The following GFRA2 variants were observed in gnomAD, a reference collection of about 807,000 sequenced individuals.
GFRA2 encodes the protein GDNF family receptor alpha-2.
A neutral mutation model predicts 48.3 loss-of-function variants in GFRA2; 17 were observed. That is an observed-to-expected ratio of 0.35 (90% CI 0.24 to 0.53). The LOEUF is 0.53. Among genes scored for constraint, GFRA2 ranks in the 20% least tolerant of loss-of-function variants. The pLI is 0.93. For missense variants in GFRA2, 660 were observed against 637.3 expected (o/e 1.04, Z -0.38); for synonymous variants, 305 against 257.2 (o/e 1.19, Z -1.78).
intron 4 of GFRA2, among the ~76,000 whole-genome samples, chr8:21,749,819 G>A (rs73669544): frequency 0.068 from 10,239 of 151,592 alleles, 438 homozygotes; most frequent in Non-Finnish European, 0.088. Context: ...CCTTGAGCAA[G>A]TTTACAAAAT....
chr8:21,764,703 C>T lies in GFRA2; in HGVS notation c.439+10269G>A, dbSNP rs371356191. Among the ~76,000 whole-genome samples, 93 of 152,338 alleles carry T rather than the reference C, an allele frequency of 6.1e-4. 1 individual carries two copies. Among genetic ancestry groups the T allele is most frequent in the African/African-American group, 2.1e-3 (88 of 41,576 alleles). ...ATTGAAGACATCACTCCTGAAATCGCCCCTTCCTGCTTACATCCTTCAATT... is the reference window on the plus strand; with the variant it reads ...ATTGAAGACATCACTCCTGAAATCGTCCCTTCCTGCTTACATCCTTCAATT... On this transcript the variant is annotated intron_variant, in intron 3 of 8. Coordinates refer to ENST00000524240, the MANE Select transcript of GFRA2 (RefSeq NM_001495.5).
intron 1 of GFRA2, among the ~76,000 whole-genome samples, chr8:21,783,706 T>C (rs1428015060): frequency 6.6e-6 from 1 of 151,826 alleles, no homozygotes; most frequent in Non-Finnish European, 1.5e-5. Flanking sequence ...GAGAGACAAG[T>C]TCCGCCCCGG....
chr8:21,694,075 T>TATATATATATATATATA lies in GFRA2; in HGVS notation c.1272+388_1272+389insTATATATATATATATAT, dbSNP rs1563209422. On this transcript the variant is annotated intron_variant, in intron 8 of 8. Coordinates refer to ENST00000524240, the MANE Select transcript of GFRA2 (RefSeq NM_001495.5). ...TATATTTATATATATATTTATTTAT[T>TATATATATATATATATA]TTTATATATATATATATTTCCTATA... Among the ~76,000 whole-genome samples, 257 of 49,058 alleles carry TATATATATATATATATA rather than the reference T, an allele frequency of 5.2e-3. 4 individuals are homozygous for TATATATATATATATATA. Among genetic ancestry groups the TATATATATATATATATA allele is most frequent in the African/African-American group, 0.026 (235 of 8,986 alleles). 32.2% of individuals were successfully genotyped at this position (49,058 alleles called of 152,430 possible). A position where few individuals can be genotyped will look rare whatever the true frequency, so the allele number is the denominator to read the frequency against.
At chr8:21,811,358 G>C (rs1807977623) in intron 1 of GFRA2, among the ~76,000 whole-genome samples, 1 of 152,158 alleles carries the variant, frequency 6.6e-6, no homozygotes, top group African/African-American at 2.4e-5. Context: ...TCCCAAGCAG[G>C]AGATCCTAAC....
rs1806625727 is a variant in GFRA2, at chr8:21,775,009, G to T, written c.402C>A (p.Arg134=). 2 of 1,606,542 alleles carry T rather than the reference G, an allele frequency of 1.2e-6. No individual in the cohort carries two copies. Among genetic ancestry groups the T allele is most frequent in the Non-Finnish European group, 1.7e-6 (2 of 1,173,462 alleles). The part of the protein sequence containing the change: ...EASPYEPVTS[R]LSDIFRLASI... Reference sequence around the variant, plus strand: ...AAGCAAGCCTGAAGATGTCCGAGAGGCGGGAGGTCACCGGCTCATAGGGGG... The same window carrying T: ...AAGCAAGCCTGAAGATGTCCGAGAGTCGGGAGGTCACCGGCTCATAGGGGG... Residue 134 remains arginine, a synonymous_variant, in exon 3 of 9, where the codon CGC becomes CGA. Transcript: ENST00000524240.
chr8:21,704,312 A>C (rs1802632498), intron 6 of GFRA2, among the ~76,000 whole-genome samples: 1 of 151,910 alleles, frequency 6.6e-6, no homozygotes, highest in South Asian at 2.1e-4. Flanking sequence ...CTCCTCAAGA[A>C]CCCTGTGCAG....
Position 21,788,596 on chromosome 8 carries a change from G to A in GFRA2, c.-437C>T. ...CTGGAAGGAAGCGGCGAGGGAGGGGGTCGGAATAAAATGCAAATAGAAAAG... is the reference window on the plus strand; with the variant it reads ...CTGGAAGGAAGCGGCGAGGGAGGGGATCGGAATAAAATGCAAATAGAAAAG... On this transcript the variant is annotated 5_prime_UTR_variant, in exon 1 of 9. Transcript: ENST00000524240. 1.0e-6 allele frequency: 1 copy of A among 995,560 alleles called. No homozygotes were observed. Among genetic ancestry groups the A allele is most frequent in the Non-Finnish European group, 1.2e-6 (1 of 837,064 alleles). 61.7% of individuals were successfully genotyped at this position (995,560 alleles called of 1,614,324 possible).
chr8:21,800,250 C>T (rs772880799), intron 2 of GFRA2, among the ~76,000 whole-genome samples: 4 of 152,170 alleles, frequency 2.6e-5, no homozygotes, highest in Non-Finnish European at 4.4e-5. Context: ...CTTGTTACTC[C>T]TCTCTGAGGC....
At position 21,750,675 on chromosome 8, in the gene GFRA2, G is replaced by A. The variant is rs751773049; in HGVS notation, c.707C>T (p.Thr236Ile). ...CTCATAGGAGCAGCTGGGCAGGATG[G>A]TTTGCCGGCGGCGCTCAGCGCACGC... ...DQACAERRRQ[T>I]ILPSCSYEDK... Residue 236 changes from threonine to isoleucine, a missense_variant, in exon 4 of 9, where the codon ACC becomes ATC. Coordinates refer to ENST00000524240, the MANE Select transcript of GFRA2 (RefSeq NM_001495.5). The surrounding 1 kb of genome is among the most constrained non-coding windows in gnomAD (Gnocchi z 5.7). 3 of 1,613,796 alleles carry A rather than the reference G, an allele frequency of 1.9e-6. No homozygotes were observed. The highest frequency in any genetic ancestry group is 3.3e-5 in the Admixed American group (2 of 60,004).
At chr8:21,742,373 C>A (rs1008920220) in intron 4 of GFRA2, among the ~76,000 whole-genome samples, 19 of 152,132 alleles carry the variant, frequency 1.2e-4, no homozygotes, top group African/African-American at 4.1e-4. Flanking sequence ...TCAACAAAGA[C>A]CATACGAGGA....
intron 4 of GFRA2, among the ~76,000 whole-genome samples, chr8:21,726,078 T>C (rs1384847897): frequency 2.0e-5 from 3 of 152,106 alleles, no homozygotes; most frequent in Non-Finnish European, 2.9e-5. Flanking sequence ...CTCAAAACAG[T>C]GGTCTATCTC....
chr8:21,771,144 C>T (rs1347039952), intron 3 of GFRA2, among the ~76,000 whole-genome samples: 2 of 152,184 alleles, frequency 1.3e-5, no homozygotes, highest in Non-Finnish European at 1.5e-5. Context: ...TAGGGCATCA[C>T]ATGTCCATCT....
Position 21,788,132 on chromosome 8 carries a change from A to G in GFRA2, c.28T>C (p.Phe10Leu). The change falls in exon 1 of 9, where the codon TTC (phenylalanine) becomes CTC (leucine). Residue 10 changes from phenylalanine to leucine, a missense_variant. Phe to Leu is a conservative substitution (Grantham distance 22). Transcript: ENST00000524240. ...CGCAGGTACTCACCTAGAAAGAAGA[A>G]GAGGCAGAAGACGTTTGCCAAGATC... MILANVFCL[F>L]FFLDETLRSL... The G allele has an allele frequency of 6.3e-7, 1 of 1,597,974 alleles. No individual in the cohort carries two copies. Among genetic ancestry groups the G allele is most frequent in the African/African-American group, 1.4e-5 (1 of 73,934 alleles).
intron 2 of GFRA2, among the ~76,000 whole-genome samples, chr8:21,782,316 C>G (rs1267735316): frequency 1.4e-5 from 2 of 142,760 alleles, no homozygotes; most frequent in African/African-American, 5.6e-5. Flanking sequence ...CCTCCAGCGC[C>G]TGTTCTCCTC....
upstream of GFRA2, chr8:21,790,175 C>T (rs1807526195): frequency 1.2e-6 from 1 of 847,726 alleles, no homozygotes; most frequent in Non-Finnish European, 1.4e-6. Flanking sequence ...GGTCACGTTC[C>T]GGCGAGAGCG....
rs182149637 is a variant in GFRA2, at chr8:21,750,926, C to T, written c.456G>A (p.Pro152=). 58 of 1,611,948 alleles carry T rather than the reference C, an allele frequency of 3.6e-5. No homozygotes were observed. The highest frequency in any genetic ancestry group is 2.9e-4 in the African/African-American group (22 of 75,036). The stretch of plus-strand genomic sequence containing the variant: ...AATGGTTGCTCTTGGCGCTGACCAC[C>T]GGGTCTGCCCCTGTCCCTGGAGGAG... ...ASIFSGTGAD[P]VVSAKSNHCL... The change falls in exon 4 of 9, where the codon CCG becomes CCA. Residue 152 remains proline, a synonymous_variant. Transcript: ENST00000524240. This position sits in a 1 kb window ranked among gnomAD's most constrained non-coding sequence, Gnocchi z 5.7.
At chr8:21,754,595 G>C (rs1044298515) in intron 3 of GFRA2, among the ~76,000 whole-genome samples, 6 of 142,786 alleles carry the variant, frequency 4.2e-5, no homozygotes, top group African/African-American at 1.6e-4. Flanking sequence ...TGCAACCTCT[G>C]CCTCCTGGGT....
chr8:21,767,374 T>G (rs1469532603), intron 3 of GFRA2, among the ~76,000 whole-genome samples: 2 of 152,130 alleles, frequency 1.3e-5, no homozygotes, highest in African/African-American at 2.4e-5. Context: ...ACTTACACTC[T>G]CCACACACCA....
intron 3 of GFRA2, among the ~76,000 whole-genome samples, chr8:21,751,806 G>C (rs1259459759): frequency 1.3e-5 from 2 of 152,130 alleles, no homozygotes; most frequent in East Asian, 1.9e-4. Context: ...ATTAAAGATT[G>C]ATCAGGTCCT....
Sources: gnomAD v4.1 joint callset for allele counts (sites outside exome capture counted in the v4.1 genomes callset) on GRCh38, gnomAD v4.1.1 for gene constraint, Gnocchi (gnomAD v3.1) non-coding constraint, MANE v1.5 for transcripts, NCBI Gene and HGNC (gene_info 2026-07-23, HGNC 2026-07-21) for gene names.